Variants in LRRC4C observed in about 807,000 individuals in gnomAD.
LRRC4C encodes leucine rich repeat containing 4C.
Under a neutral mutation model 33.6 loss-of-function variants are expected in LRRC4C, and 5 were observed. The observed-to-expected ratio is 0.15, with a 90% CI of 0.08 to 0.31. The LOEUF is 0.31. Among genes scored for constraint, LRRC4C ranks in the 10% least tolerant of loss-of-function variants. LRRC4C has a pLI of 1.00. For missense variants in LRRC4C, 560 were observed against 796.7 expected, an observed-to-expected ratio of 0.70 and a Z score of 3.58; for synonymous variants, 329 against 302.0, an observed-to-expected ratio of 1.09 and a Z score of -0.93.
chr11:40,579,742 A>AAAC (rs934498069), intron 3 of LRRC4C, among the ~76,000 whole-genome samples: 67 of 144,664 alleles, frequency 4.6e-4, no homozygotes, highest in East Asian at 1.2e-3. Flanking sequence ...TCCAAAAGAA[A>AAAC]AACAACAACA....
intron 2 of LRRC4C, among the ~76,000 whole-genome samples, chr11:40,916,369 G>A (rs1438498561): frequency 6.6e-6 from 1 of 152,084 alleles, no homozygotes; most frequent in Non-Finnish European, 1.5e-5. Flanking sequence ...ATGCAGCCAT[G>A]AAAAATGATG....
intron 5 of LRRC4C, among the ~76,000 whole-genome samples, chr11:40,212,554 A>G (rs866608637): frequency 6.6e-6 from 1 of 152,168 alleles, no homozygotes; most frequent in East Asian, 1.9e-4. Context: ...CTCTTCCAAT[A>G]TGTACAAAGA....
intron 1 of LRRC4C, among the ~76,000 whole-genome samples, chr11:41,288,319 G>A (rs1949893335): frequency 6.6e-6 from 1 of 152,096 alleles, no homozygotes; most frequent in South Asian, 2.1e-4. Flanking sequence ...CCAACCACTT[G>A]GGGAAAATAA....
At chr11:41,222,839 A>AT (rs1455340440) in intron 1 of LRRC4C, 5 of 151,490 alleles carry the variant, frequency 3.3e-5, no homozygotes, top group Non-Finnish European at 4.4e-5. Context: ...TCAAAAAAAA[A>AT]AAAAAAAAAA....
intron 1 of LRRC4C, among the ~76,000 whole-genome samples, chr11:41,098,096 T>G (rs1434207929): frequency 6.6e-6 from 1 of 151,986 alleles, no homozygotes; most frequent in Non-Finnish European, 1.5e-5. Context: ...CCAAATAACA[T>G]GACTCACCCC....
chr11:41,409,946 T>G (rs1222340099), intron 1 of LRRC4C, among the ~76,000 whole-genome samples: 1 of 152,170 alleles, frequency 6.6e-6, no homozygotes. Flanking sequence ...ATCATCCTAA[T>G]GAGAGAAATA....
chr11:40,905,535 A>C (rs959004791), intron 2 of LRRC4C, among the ~76,000 whole-genome samples: 1 of 152,210 alleles, frequency 6.6e-6, no homozygotes, highest in Non-Finnish European at 1.5e-5. Context: ...GGAAAAACTA[A>C]CAGGCAGAAA....
intron 1 of LRRC4C, among the ~76,000 whole-genome samples, chr11:40,954,432 G>C (rs1958860549): frequency 6.6e-6 from 1 of 151,814 alleles, no homozygotes; most frequent in Non-Finnish European, 1.5e-5. Flanking sequence ...TGAGGCATTT[G>C]CATGGCTCCA....
At position 41,107,232 on chromosome 11, in the gene LRRC4C, T is replaced by G. The variant is rs1294530038; in HGVS notation, c.-495-173509A>C. ...GCATTTGGATTTTAGATGTTCTGAT[T>G]TGTGATGTTCAGCCTATATTAATAA... On this transcript the variant is annotated intron_variant, in intron 1 of 6. Coordinates refer to ENST00000528697, the MANE Select transcript of LRRC4C (RefSeq NM_001258419.2). Among the ~76,000 whole-genome samples the G allele has an allele frequency of 2.6e-5, 4 of 152,140 alleles. No homozygotes were observed. In the East Asian group the frequency reaches 7.8e-4, roughly 30 times the overall value.
At chr11:41,285,882 C>T (rs570449926) in intron 1 of LRRC4C, among the ~76,000 whole-genome samples, 35 of 151,832 alleles carry the variant, frequency 2.3e-4, no homozygotes, top group East Asian at 5.8e-4. Context: ...CAGGCTGGAG[C>T]GCAGTGGCAT....
At chr11:41,083,938 T>A (rs546510047) in intron 1 of LRRC4C, among the ~76,000 whole-genome samples, 7 of 152,356 alleles carry the variant, frequency 4.6e-5, no homozygotes, top group Non-Finnish European at 8.8e-5. Flanking sequence ...CTTTTGATAT[T>A]TGCAAGATTG....
At chr11:40,617,723 C>G (rs1045417224) in intron 3 of LRRC4C, among the ~76,000 whole-genome samples, 17 of 151,584 alleles carry the variant, frequency 1.1e-4, no homozygotes, top group African/African-American at 4.1e-4. Flanking sequence ...TATTATTGGG[C>G]AGACTGAATA....
At chr11:40,898,366 A>AAAAAAAAAAG (rs1554991246) in intron 2 of LRRC4C, among the ~76,000 whole-genome samples, 7 of 117,466 alleles carry the variant, frequency 6.0e-5, no homozygotes, top group East Asian at 2.6e-4. Context: ...AAAAAAAAAA[A>AAAAAAAAAAG]AAAAAAGAAA....
At chr11:40,476,407 G>A (rs558653215) in intron 3 of LRRC4C, among the ~76,000 whole-genome samples, 1 of 132,126 alleles carries the variant, frequency 7.6e-6, no homozygotes, top group Admixed American at 8.9e-5. Flanking sequence ...GTGTAGTGGT[G>A]TGATCTCAGC....
chr11:40,310,952 G>A (rs191450003), intron 4 of LRRC4C, among the ~76,000 whole-genome samples: 1 of 152,316 alleles, frequency 6.6e-6, no homozygotes, highest in Admixed American at 6.5e-5. Flanking sequence ...GTGATACACT[G>A]TATGGCTCAC....
chr11:40,823,111 G>A (rs1952010106), intron 2 of LRRC4C, among the ~76,000 whole-genome samples: 1 of 151,714 alleles, frequency 6.6e-6, no homozygotes, highest in Admixed American at 6.6e-5. Context: ...AAAAGATAGT[G>A]CTTGCATAAT....
intron 3 of LRRC4C, among the ~76,000 whole-genome samples, chr11:40,540,600 G>A (rs1055726878): frequency 6.6e-6 from 1 of 151,968 alleles, no homozygotes; most frequent in Non-Finnish European, 1.5e-5. Flanking sequence ...TTTAGGTAAG[G>A]GAAGAGTATT....
chr11:41,416,681 A>G (rs1954693882), intron 1 of LRRC4C, among the ~76,000 whole-genome samples: 2 of 152,130 alleles, frequency 1.3e-5, no homozygotes, highest in Admixed American at 6.6e-5. Flanking sequence ...TTAATGTACC[A>G]AGGGACTTTA....
chr11:40,404,859 T>G (rs1479458693), intron 3 of LRRC4C, among the ~76,000 whole-genome samples: 2 of 151,682 alleles, frequency 1.3e-5, no homozygotes, highest in Non-Finnish European at 2.9e-5. Context: ...ATACAATATA[T>G]GATATATATA....
Sources: allele counts gnomAD v4.1 joint callset (sites outside exome capture counted in the v4.1 genomes callset), GRCh38; gene constraint gnomAD v4.1.1; transcripts MANE v1.5; gene names NCBI Gene and HGNC (gene_info 2026-07-23, HGNC 2026-07-21).